Variants in WDR53 observed in about 807,000 individuals in gnomAD.
The protein encoded by WDR53 is WD repeat-containing protein 53.
Under a neutral mutation model 21.3 loss-of-function variants are expected in WDR53, and 19 were observed. The observed-to-expected ratio is 0.89, with a 90% CI of 0.62 to 1.31. The LOEUF is 1.31. Ranked by LOEUF, WDR53 falls within the 50% of genes most tolerant of loss-of-function variation. The pLI is 0.00. For synonymous variants in WDR53, 157 were observed against 163.4 expected, an observed-to-expected ratio of 0.96 and a Z score of 0.30; for missense variants, 374 against 423.2, an observed-to-expected ratio of 0.88 and a Z score of 1.02.
At chr3:196,563,930 C>T (rs1167348329) in intron 2 of WDR53, among the ~76,000 whole-genome samples, 2 of 152,142 alleles carry the variant, frequency 1.3e-5, no homozygotes, top group Non-Finnish European at 2.9e-5. Flanking sequence ...AATCACTGAT[C>T]TATTAGTAAT....
intron 2 of WDR53, 150 bp from the exon 3 acceptor site, chr3:196,561,641 T>G: frequency 1.1e-6 from 1 of 878,878 alleles, no homozygotes; most frequent in Non-Finnish European, 1.6e-6. Context: ...AAAAGACACT[T>G]AAAGATCACA....
In WDR53 at chr3:196,554,403, G is replaced by A; in HGVS notation, c.885C>T (p.Cys295=). Residue 295 remains cysteine, a synonymous_variant, in exon 4 of 4, where the codon TGC becomes TGT. Transcript: ENST00000332629. ...CGTTAGTATTTCCACCCTGCTTGGT[G>A]CAAGTTCCTCTTTTAGGTTTCTTCC... ...THRKKPKRGT[C]TKQGGNTNAS... 2 of 1,614,096 alleles carry A rather than the reference G, an allele frequency of 1.2e-6. No individual in the cohort carries two copies. The highest frequency in any genetic ancestry group is 1.7e-6 in the Non-Finnish European group (2 of 1,180,028).
chr3:196,563,665 A>G (rs1735095476), intron 2 of WDR53, among the ~76,000 whole-genome samples: 1 of 150,878 alleles, frequency 6.6e-6, no homozygotes. Flanking sequence ...TCTGCCTCCT[A>G]TGTTTAAGCG....
In WDR53 at chr3:196,554,837, AC is replaced by A. The variant is rs1254272599; in HGVS notation, c.481-31del. On this transcript the variant is annotated intron_variant, in intron 3 of 3. Transcript: ENST00000332629. ...ACATAAGAAGAAATTACACAGTCATACAAAATGCTAGCCAATTTGCTCAACT... is the reference window on the plus strand; with the variant it reads ...ACATAAGAAGAAATTACACAGTCATAAAAATGCTAGCCAATTTGCTCAACT... The A allele has an allele frequency of 2.6e-6, 4 of 1,564,442 alleles. No individual in the cohort carries two copies. The South Asian group carries it at 4.5e-5, about 18-fold the overall frequency.
At chr3:196,558,314 C>T (rs1374095384) in intron 3 of WDR53, among the ~76,000 whole-genome samples, 1 of 152,098 alleles carries the variant, frequency 6.6e-6, no homozygotes, top group Non-Finnish European at 1.5e-5. Context: ...TCAGGTGATC[C>T]TCCCACGTCA....
At chr3:196,566,340 G>C (rs1435407341) in intron 2 of WDR53, among the ~76,000 whole-genome samples, 1 of 151,554 alleles carries the variant, frequency 6.6e-6, no homozygotes, top group Non-Finnish European at 1.5e-5. Context: ...CACCCACCTC[G>C]GCCTCCCAAA....
intron 2 of WDR53, among the ~76,000 whole-genome samples, chr3:196,565,011 C>T (rs138748655): frequency 3.0e-4 from 45 of 152,200 alleles, no homozygotes; most frequent in African/African-American, 9.9e-4. Flanking sequence ...TTAAGTTTTG[C>T]TCCGAAGTGT....
rs750227342 is a variant in WDR53, at chr3:196,567,196, C to A, written c.-336G>T. On this transcript the variant is annotated 5_prime_UTR_variant, in exon 2 of 4. Coordinates refer to ENST00000332629, the MANE Select transcript of WDR53 (RefSeq NM_182627.3). ...AATTAGTGAGAGACAGTCACCATCA[C>A]CAGAGTCAGCACAGGTCAACTTTTC... The A allele has an allele frequency of 2.2e-6, 1 of 457,318 alleles. No individual in the cohort carries two copies. Among genetic ancestry groups the A allele is most frequent in the Non-Finnish European group, 4.4e-6 (1 of 227,068 alleles). 28.3% of individuals were successfully genotyped at this position (457,318 alleles called of 1,614,324 possible).
In WDR53 at chr3:196,554,252, G is replaced by C; in HGVS notation, c.1036C>G (p.Gln346Glu). ...GGGTATACAGATATACAACTAGTTT[G>C]ATCAGCTACTAATATATTTTGGTGT... ...KGHQNILVAD[Q>E]TSCISVYPLN... Residue 346 changes from glutamine (Q) to glutamate (E), a missense_variant, in exon 4 of 4, where the codon CAA becomes GAA. Coordinates refer to ENST00000332629, the MANE Select transcript of WDR53 (RefSeq NM_182627.3). 2 of 1,613,536 alleles carry C rather than the reference G, an allele frequency of 1.2e-6. No homozygotes were observed. Among genetic ancestry groups the C allele is most frequent in the Non-Finnish European group, 1.7e-6 (2 of 1,179,764 alleles).
chr3:196,565,444 A>G (rs1188707961), intron 2 of WDR53, among the ~76,000 whole-genome samples: 1 of 151,734 alleles, frequency 6.6e-6, no homozygotes, highest in Non-Finnish European at 1.5e-5. Flanking sequence ...GTGTGGTGGT[A>G]CGTGCCTGTA....
At chr3:196,561,613 T>C in intron 2 of WDR53, 122 bp from the exon 3 acceptor site, 1 of 1,006,548 alleles carries the variant, frequency 9.9e-7, no homozygotes. Flanking sequence ...TTAAAAAAAC[T>C]CAATTAATTA....
At chr3:196,557,412 G>A (rs933812506) in intron 3 of WDR53, among the ~76,000 whole-genome samples, 3 of 152,144 alleles carry the variant, frequency 2.0e-5, no homozygotes, top group Non-Finnish European at 4.4e-5. Context: ...TGGGTGTGTC[G>A]GCTTGTGCCT....
rs1347266080 is a variant in WDR53 at position 196,561,506 on chromosome 3, A to G, written c.-16-15T>C. On this transcript the variant is annotated splice_polypyrimidine_tract_variant and intron_variant, in intron 2 of 3. Coordinates refer to ENST00000332629, the MANE Select transcript of WDR53 (RefSeq NM_182627.3). ...TCCCGGAGACTCTGTGAAGTGGGGG[A>G]AACAACTGTAATCTCATGTTTTATA... 3.2e-6 allele frequency: 5 copies of G among 1,578,726 alleles called. No individual in the cohort carries two copies. Among genetic ancestry groups the G allele is most frequent in the Non-Finnish European group, 4.3e-6 (5 of 1,163,224 alleles).
chr3:196,558,717 C>T (rs1052468627), intron 3 of WDR53, among the ~76,000 whole-genome samples: 3 of 152,344 alleles, frequency 2.0e-5, no homozygotes, highest in Admixed American at 2.0e-4. Flanking sequence ...TTGGGCTCCC[C>T]CATAGACTGG....
intron 3 of WDR53, among the ~76,000 whole-genome samples, chr3:196,558,790 A>T (rs1193548632): frequency 2.6e-5 from 4 of 152,262 alleles, no homozygotes; most frequent in African/African-American, 9.6e-5. Flanking sequence ...TGTGGAAATA[A>T]TTATAGAGTT....
rs531510005 is a variant in WDR53 at position 196,556,285 on chromosome 3, C to T, written c.481-1478G>A. Among the ~76,000 whole-genome samples, 134 of 152,118 alleles carry T rather than the reference C, an allele frequency of 8.8e-4. 1 individual carries two copies. Among genetic ancestry groups the T allele is most frequent in the African/African-American group, 3.0e-3 (123 of 41,498 alleles). On this transcript the variant is annotated intron_variant, in intron 3 of 3. Coordinates refer to ENST00000332629, the MANE Select transcript of WDR53 (RefSeq NM_182627.3). Reference sequence around the variant, plus strand: ...CTGGTCTCCAACTGCTGGGCTCAAGCGATCCACTCATCTCCACCTCCCAAA... The same window carrying T: ...CTGGTCTCCAACTGCTGGGCTCAAGTGATCCACTCATCTCCACCTCCCAAA...
Position 196,567,077 on chromosome 3 carries a change from C to T in WDR53, c.-217G>A. On this transcript the variant is annotated 5_prime_UTR_variant, in exon 2 of 4. It removes the in-frame stop codon of an upstream open reading frame in the 5' UTR. Transcript: ENST00000332629. Reference sequence around the variant, plus strand: ...CTAGTCATACCACCACCGTCCCGTTCAAGAGTCTGTGCCTCTAAGGCTGTT... The same window carrying T: ...CTAGTCATACCACCACCGTCCCGTTTAAGAGTCTGTGCCTCTAAGGCTGTT... 2.2e-6 allele frequency: 1 copy of T among 450,282 alleles called. No individual in the cohort carries two copies. 27.9% of individuals were successfully genotyped at this position (450,282 alleles called of 1,614,324 possible). A position where few individuals can be genotyped will look rare whatever the true frequency, so the allele number is the denominator to read the frequency against.
Position 196,561,109 on chromosome 3 carries a change from A to C in WDR53, c.367T>G (p.Leu123Val). ...DDSGAIKILD[L>V]ENKKVIRSLK... ...GATCTGATAACTTTCTTGTTTTCCAAGTCTAGGATTTTGATTGCCCCAGAG... is the reference window on the plus strand; with the variant it reads ...GATCTGATAACTTTCTTGTTTTCCACGTCTAGGATTTTGATTGCCCCAGAG... Residue 123 changes from leucine (L) to valine (V), a missense_variant, in exon 3 of 4, where the codon TTG (leucine) becomes GTG (valine). Transcript: ENST00000332629. The C allele has an allele frequency of 6.2e-7, 1 of 1,614,230 alleles. No homozygotes were observed. The highest frequency in any genetic ancestry group is 8.5e-7 in the Non-Finnish European group (1 of 1,180,044).
In WDR53 at chr3:196,561,162, G is replaced by T. The variant is rs750007620; in HGVS notation, c.314C>A (p.Thr105Lys). 3.1e-6 allele frequency: 5 copies of T among 1,614,046 alleles called. No homozygotes were observed. Among genetic ancestry groups the T allele is most frequent in the Non-Finnish European group, 4.2e-6 (5 of 1,180,036 alleles). Residue 105 changes from threonine to lysine, a missense_variant, in exon 3 of 4, where the codon ACG becomes AAG. By Grantham distance (78) the Thr-to-Lys change is moderately conservative (BLOSUM62 -1). Transcript: ENST00000332629. ...EEINCLSLNQ[T>K]ENLLASADDS... ...GTCAGCAGAAGCCAGCAGGTTTTCC[G>T]TTTGATTCAATGAAAGACAATTGAT...
Sources: gnomAD v4.1 joint callset for allele counts (sites outside exome capture counted in the v4.1 genomes callset) on GRCh38, gnomAD v4.1.1 for gene constraint, MANE v1.5 for transcripts, NCBI Gene and HGNC (gene_info 2026-07-23, HGNC 2026-07-21) for gene names.